HMGXB3: variants seen among roughly 807,000 people sequenced by gnomAD.
The protein encoded by HMGXB3 is HMG-box containing 3.
In HMGXB3, 45 loss-of-function variants were observed where a neutral mutation model predicts 121.5. The ratio of observed to expected loss-of-function variants is 0.37; its 90% confidence interval spans 0.29 to 0.47. The LOEUF (loss-of-function observed/expected upper bound fraction) is 0.47, where lower values mean the gene tolerates loss of function less well. HMGXB3 is among the 20% of genes least tolerant of loss of function. HMGXB3 has a pLI of 0.99. For missense variants in HMGXB3, 1,376 were observed against 1,602.2 expected (o/e 0.86, Z 2.41); for synonymous variants, 590 against 624.1 (o/e 0.95, Z 0.81).
chr5:150,006,266 G>A (rs1755699200), intron 2 of HMGXB3, among the ~76,000 whole-genome samples: 2 of 152,142 alleles, frequency 1.3e-5, no homozygotes, highest in African/African-American at 4.8e-5. Context: ...TTAAATGTTT[G>A]TTTGCTTGAC....
intron 5 of HMGXB3, among the ~76,000 whole-genome samples, chr5:150,017,250 A>G (rs1755979737): frequency 6.6e-6 from 1 of 152,232 alleles, no homozygotes; most frequent in Non-Finnish European, 1.5e-5. Context: ...TACTTATGAA[A>G]CTAACCTATC....
At chr5:150,029,575 C>T (rs1239947118) in intron 9 of HMGXB3, among the ~76,000 whole-genome samples, 2 of 152,150 alleles carry the variant, frequency 1.3e-5, no homozygotes, top group Non-Finnish European at 2.9e-5. Flanking sequence ...TGTGCCCTTA[C>T]TATATGCAGT....
intron 13 of HMGXB3, among the ~76,000 whole-genome samples, chr5:150,038,624 C>T (rs553468657): frequency 6.6e-6 from 1 of 152,190 alleles, no homozygotes; most frequent in Non-Finnish European, 1.5e-5. Context: ...CTCCCCCAAC[C>T]TCTGGTAACT....
intron 9 of HMGXB3, 92 bp from the exon 10 acceptor site, chr5:150,030,649 G>T: frequency 1.1e-6 from 1 of 945,126 alleles, no homozygotes; most frequent in Non-Finnish European, 1.7e-6. Flanking sequence ...CAAATTCCCC[G>T]GGAAAGCATT....
At chr5:150,022,311 C>CT (rs1756115997) in intron 6 of HMGXB3, among the ~76,000 whole-genome samples, 1 of 152,136 alleles carries the variant, frequency 6.6e-6, no homozygotes. Flanking sequence ...TTGTATTGTT[C>CT]TAGAGTTCAT....
rs761205515 is a variant in HMGXB3, at chr5:150,030,829, C to T, written c.1823C>T (p.Thr608Ile). ...TTTCCTCCATATAAGTACAGCTGCA[C>T]TGTCACATTGGTAAGTATGCAGCTA... ...DMFPPYKYSC[T>I]VTLDLGLATS... Residue 608 changes from threonine (T) to isoleucine (I), a missense_variant, in exon 10 of 20, where the codon ACT (threonine) becomes ATT (isoleucine). Around this residue, in one of 2 missense-constraint regions of HMGXB3, gnomAD observed 1,116 missense variants for 1,369.0 expected, o/e 0.82. Transcript: ENST00000502717. The T allele has an allele frequency of 1.9e-6, 3 of 1,551,022 alleles. No homozygotes were observed. The highest frequency in any genetic ancestry group is 1.2e-5 in the South Asian group (1 of 84,030).
In HMGXB3 at chr5:150,051,815, G is replaced by C; in HGVS notation, c.3502G>C (p.Ala1168Pro). 3 of 1,548,726 alleles carry C rather than the reference G, an allele frequency of 1.9e-6. No homozygotes were observed. The highest frequency in any genetic ancestry group is 2.6e-6 in the Non-Finnish European group (3 of 1,147,078). Residue 1168 changes from alanine to proline, a missense_variant, in exon 20 of 20, where the codon GCC becomes CCC. This residue lies in a region of HMGXB3 where 260 missense variants were observed against 233.2 expected (regional missense o/e 1.11). Coordinates refer to ENST00000502717, the MANE Select transcript of HMGXB3 (RefSeq NM_014983.3). ...HSIQHPVTKT[A>P]TRRIVHAGLQ... Reference sequence around the variant, plus strand: ...TATCCAGCACCCAGTCACCAAGACTGCCACGCGGCGCATCGTCCATGCAGG... The same window carrying C: ...TATCCAGCACCCAGTCACCAAGACTCCCACGCGGCGCATCGTCCATGCAGG...
At position 150,021,450 on chromosome 5, in the gene HMGXB3, C is replaced by T. The variant is rs1390896003; in HGVS notation, c.1041+2753C>T. 12 of 205,416 alleles carry T rather than the reference C, an allele frequency of 5.8e-5. 1 individual carries two copies. In the South Asian group the frequency reaches 1.0e-3, roughly 18 times the overall value. The allele number at this position is 205,416 out of a possible 1,614,324, so 12.7% of individuals were successfully genotyped here. ...CTGCAGAATGTAAGACAAGCTTGTC[C>T]AACCTATGGCCCAGGATGGCTTTGA... On this transcript the variant is annotated intron_variant, in intron 6 of 19. Transcript: ENST00000502717.
At chr5:150,018,792 G>T in intron 6 of HMGXB3, 95 bp downstream of exon 6, 1 of 1,168,522 alleles carries the variant, frequency 8.6e-7, no homozygotes, top group African/African-American at 1.6e-5. Context: ...GTTAACATTT[G>T]TTTTTACTGT....
At chr5:150,038,842 C>G (rs1756558686) in intron 13 of HMGXB3, among the ~76,000 whole-genome samples, 1 of 152,082 alleles carries the variant, frequency 6.6e-6, no homozygotes, top group South Asian at 2.1e-4. Flanking sequence ...TAGCTGTTCC[C>G]CATGGGAGGA....
rs372272843 is a variant in HMGXB3 at position 150,050,362 on chromosome 5, G to A, written c.3312G>A (p.Thr1104=). ...WPPVYVVDMA[T]SVALCADLCY... is the part of the protein sequence containing the mutation. ...CTGTCTATGTGGTAGATATGGCCAC[G>A]TCAGTGGCCCTGTGTGCTGACCTCT... Residue 1104 remains threonine, a synonymous_variant, in exon 19 of 20, where the codon ACG becomes ACA. Transcript: ENST00000502717. The A allele has an allele frequency of 2.7e-4, 420 of 1,551,568 alleles. No individual in the cohort carries two copies. Among genetic ancestry groups the A allele is most frequent in the Admixed American group, 1.8e-3 (91 of 51,012 alleles).
In HMGXB3 at chr5:150,024,422, T is replaced by C. The variant is rs1399785264; in HGVS notation, c.1202T>C (p.Leu401Pro). ...LENSEAVSQL[L>P]NVAPPREVGE... ...AATTCGGAAGCTGTAAGCCAGCTCC[T>C]GAACGTAGCTCCTCCCAGAGAAGTA... The change falls in exon 7 of 20, where the codon CTG becomes CCG. Residue 401 changes from leucine to proline, a missense_variant. Leu to Pro is a moderately conservative substitution (Grantham distance 98, BLOSUM62 -3). This residue lies in a region of HMGXB3 where 1,116 missense variants were observed against 1,369.0 expected (regional missense o/e 0.82). Transcript: ENST00000502717. 3 of 1,551,762 alleles carry C rather than the reference T, an allele frequency of 1.9e-6. No individual in the cohort carries two copies. The East Asian group carries it at 7.3e-5, about 38-fold the overall frequency.
In HMGXB3 at chr5:150,027,100, G is replaced by T; in HGVS notation, c.1717G>T (p.Gly573Cys). Reference protein sequence around the residue: ...QLGQPIQQPSGPGEVKLPSGP... With the variant: ...QLGQPIQQPSCPGEVKLPSGP... ...GGGCCAGCCCATTCAACAGCCATCT[G>T]GCCCTGGTGAGGTGAAGGTAAGGCC... The change falls in exon 9 of 20, where the codon GGC (glycine) becomes TGC (cysteine). Residue 573 changes from glycine to cysteine, a missense_variant. This residue lies in a region of HMGXB3 where 1,116 missense variants were observed against 1,369.0 expected (regional missense o/e 0.82). Transcript: ENST00000502717. The T allele has an allele frequency of 2.6e-6, 4 of 1,551,578 alleles. No individual in the cohort carries two copies. The highest frequency in any genetic ancestry group is 3.5e-6 in the Non-Finnish European group (4 of 1,146,988).
At chr5:150,021,504 T>G (rs1350323518) in intron 6 of HMGXB3, 1 of 317,522 alleles carries the variant, frequency 3.1e-6, no homozygotes, top group African/African-American at 2.2e-5. Context: ...TCATAAACTA[T>G]CTTAAAACAT....
At position 150,000,890 on chromosome 5, in the gene HMGXB3, C is replaced by G. The variant is rs1388070532; in HGVS notation, c.-292C>G. ...GGAGCCTGCGGAGCGAACCTGTGCT[C>G]CTATTCTTGCCCTTCAGGACCCCAT... On this transcript the variant is annotated 5_prime_UTR_variant, in exon 1 of 20. Transcript: ENST00000502717. 1 of 154,792 alleles carries G rather than the reference C, an allele frequency of 6.5e-6. No homozygotes were observed. Among genetic ancestry groups the G allele is most frequent in the African/African-American group, 2.4e-5 (1 of 41,514 alleles). The allele number at this position is 154,792 out of a possible 1,614,324, so 9.6% of individuals were successfully genotyped here.
At chr5:150,017,338 A>T (rs1217162109) in intron 5 of HMGXB3, among the ~76,000 whole-genome samples, 1 of 152,216 alleles carries the variant, frequency 6.6e-6, no homozygotes, top group Non-Finnish European at 1.5e-5. Flanking sequence ...AGGATCAGAG[A>T]TGTTTTATAT....
At chr5:150,001,950 C>T (rs776563491) in intron 1 of HMGXB3, among the ~76,000 whole-genome samples, 8 of 152,214 alleles carry the variant, frequency 5.3e-5, no homozygotes, top group Non-Finnish European at 1.0e-4. Flanking sequence ...GCAGTCCCCA[C>T]GTAGCCTTGA....
At chr5:150,012,182 C>T in intron 4 of HMGXB3, 73 bp from the exon 5 acceptor site, 1 of 989,348 alleles carries the variant, frequency 1.0e-6, no homozygotes, top group East Asian at 2.6e-5. Flanking sequence ...ATCCAGGCTT[C>T]CAGTGTTGAG....
intron 11 of HMGXB3, among the ~76,000 whole-genome samples, chr5:150,036,353 A>C (rs1178894851): frequency 6.6e-6 from 1 of 152,138 alleles, no homozygotes; most frequent in African/African-American, 2.4e-5. Context: ...TGAGATGTCT[A>C]ATGAGCATAT....
Sources: allele counts gnomAD v4.1 joint callset (sites outside exome capture counted in the v4.1 genomes callset), GRCh38; gene constraint gnomAD v4.1.1; regional missense constraint gnomAD v4.1.1; transcripts MANE v1.5; gene names NCBI Gene and HGNC (gene_info 2026-07-23, HGNC 2026-07-21).